The following USH2A variants were observed in gnomAD, a reference collection of about 807,000 sequenced individuals.
USH2A encodes the protein Usher syndrome 2A (autosomal recessive, mild).
USH2A carries 443 observed loss-of-function variants against 538.9 expected under a neutral mutation model. The ratio of observed to expected loss-of-function variants is 0.82; its 90% CI spans 0.76 to 0.89. The LOEUF (loss-of-function observed/expected upper bound fraction) is 0.89. Among genes scored for constraint, USH2A ranks in the 40% least tolerant of loss-of-function variants. The pLI is 0.00. For synonymous variants in USH2A, 2,413 were observed against 2,273.5 expected (o/e 1.06, Z -1.75); for missense variants, 6,633 against 6,324.8 (o/e 1.05, Z -1.65).
intron 43 of USH2A, among the ~76,000 whole-genome samples, chr1:215,877,470 C>T (rs1664799472): frequency 6.6e-6 from 1 of 152,080 alleles, no homozygotes; most frequent in Non-Finnish European, 1.5e-5. Context: ...CAAATTCTTC[C>T]ATAACGTTTT....
chr1:216,015,211 G>T (rs1358420810), intron 32 of USH2A, among the ~76,000 whole-genome samples: 1 of 152,152 alleles, frequency 6.6e-6, no homozygotes. Flanking sequence ...GAGAACCTCT[G>T]CTAGGTTATG....
At chr1:216,020,139 C>A (rs1305803061) in intron 32 of USH2A, among the ~76,000 whole-genome samples, 1 of 152,146 alleles carries the variant, frequency 6.6e-6, no homozygotes, top group East Asian at 1.9e-4. Flanking sequence ...ACTATGACAA[C>A]ACCTTTTTTA....
intron 31 of USH2A, among the ~76,000 whole-genome samples, chr1:216,048,012 C>T (rs1052631875): frequency 6.6e-6 from 1 of 152,130 alleles, no homozygotes; most frequent in African/African-American, 2.4e-5. Context: ...AGAAGTGAGA[C>T]TTAAGTTGGA....
intron 32 of USH2A, among the ~76,000 whole-genome samples, chr1:216,017,023 G>A (rs1219766821): frequency 6.6e-6 from 1 of 152,120 alleles, no homozygotes; most frequent in Non-Finnish European, 1.5e-5. Context: ...TTAGCTAGCT[G>A]CCTTCTACTC....
intron 64 of USH2A, among the ~76,000 whole-genome samples, chr1:215,659,351 CTT>C (rs1657371848): frequency 1.3e-5 from 2 of 152,158 alleles, no homozygotes; most frequent in East Asian, 3.9e-4. Context: ...TGTGGCTGAC[CTT>C]AGTGAGTAAG....
rs139004994 is a variant in USH2A at position 216,362,329 on chromosome 1, C to T, written c.784+2624G>A. On this transcript the variant is annotated intron_variant, in intron 4 of 71. Transcript: ENST00000307340. ...ATGAAATGCAAATGATCAAGACATA[C>T]GTAAAAAGCTACTCAAACTCATTAA... Among the ~76,000 whole-genome samples, 218 of 152,010 alleles carry T rather than the reference C, an allele frequency of 1.4e-3. 1 individual carries two copies. The highest frequency in any genetic ancestry group is 4.9e-3 in the African/African-American group (204 of 41,502).
Position 215,792,018 on chromosome 1 carries a change from C to T in USH2A, c.9959-1736G>A, listed in dbSNP as rs376138366. On this transcript the variant is annotated intron_variant, in intron 50 of 71. Transcript: ENST00000307340. ...TGGATTTTTTTACTGTTAATTTTTT[C>T]TCTGGCAGTTTTCTGAAGACAATTC... Among the ~76,000 whole-genome samples, 9 of 152,232 alleles carry T rather than the reference C, an allele frequency of 5.9e-5. No homozygotes were observed. In the South Asian group the frequency reaches 6.2e-4, roughly 11 times the overall value.
rs368686902 is a variant in USH2A at position 215,844,466 on chromosome 1, A to G, written c.9086T>C (p.Val3029Ala). 3.7e-6 allele frequency: 6 copies of G among 1,611,556 alleles called. No individual in the cohort carries two copies. The highest frequency in any genetic ancestry group is 5.1e-6 in the Non-Finnish European group (6 of 1,179,846). The change falls in exon 46 of 72, where the codon GTC becomes GCC. Residue 3029 changes from valine to alanine, a missense_variant. Val to Ala is a moderately conservative substitution (Grantham distance 64). Coordinates refer to ENST00000307340, the MANE Select transcript of USH2A (RefSeq NM_206933.4). ...EPQGMLPPEV[V>A]IINSTAVRVI... ...ACGTACAGCTGTACTGTTGATGATG[A>G]CAACCTCTGGAGGAAGCATGCCCTG...
intron 64 of USH2A, among the ~76,000 whole-genome samples, chr1:215,655,183 A>G (rs952343935): frequency 6.6e-6 from 1 of 152,202 alleles, no homozygotes; most frequent in African/African-American, 2.4e-5. Flanking sequence ...AAAAATACAA[A>G]GGCCTATTCT....
At chr1:215,639,499 C>A (rs75547520) in intron 68 of USH2A, among the ~76,000 whole-genome samples, 1 of 152,112 alleles carries the variant, frequency 6.6e-6, no homozygotes, top group Non-Finnish European at 1.5e-5. Flanking sequence ...GAACATCAGA[C>A]GAGTAAAGGG....
intron 50 of USH2A, among the ~76,000 whole-genome samples, chr1:215,792,287 T>C (rs776697804): frequency 2.0e-5 from 3 of 152,190 alleles, no homozygotes; most frequent in Non-Finnish European, 2.9e-5. Flanking sequence ...AAAAGATGCC[T>C]TCTTTCACAA....
At chr1:216,142,904 T>C (rs1159091932) in intron 21 of USH2A, among the ~76,000 whole-genome samples, 5 of 152,178 alleles carry the variant, frequency 3.3e-5, no homozygotes, top group Non-Finnish European at 5.9e-5. Context: ...TTTAAACCCA[T>C]TACTTCTTGA....
chr1:216,053,964 A>G (rs1375168655), intron 30 of USH2A, among the ~76,000 whole-genome samples: 1 of 152,172 alleles, frequency 6.6e-6, no homozygotes, highest in East Asian at 1.9e-4. Flanking sequence ...ATATGGCTCC[A>G]AACTCTGTGC....
At chr1:215,630,966 C>G (rs1205770078) in intron 70 of USH2A, among the ~76,000 whole-genome samples, 1 of 152,002 alleles carries the variant, frequency 6.6e-6, no homozygotes, top group Non-Finnish European at 1.5e-5. Flanking sequence ...AAAGGATCTT[C>G]AAACCAGTAA....
At chr1:216,135,164 T>TCACACA (rs1392409827) in intron 21 of USH2A, among the ~76,000 whole-genome samples, 4 of 62,556 alleles carry the variant, frequency 6.4e-5, no homozygotes, top group African/African-American at 3.4e-4. Flanking sequence ...TCTCTCTCTC[T>TCACACA]CTCACACACA....
intron 3 of USH2A, among the ~76,000 whole-genome samples, chr1:216,406,715 T>C (rs188456738): frequency 6.6e-6 from 1 of 152,162 alleles, no homozygotes; most frequent in East Asian, 1.9e-4. Flanking sequence ...TTCCCATAGA[T>C]TTCATCTCAT....
chr1:215,833,759 T>A (rs77762370), intron 47 of USH2A, among the ~76,000 whole-genome samples: 8 of 151,996 alleles, frequency 5.3e-5, no homozygotes, highest in African/African-American at 1.9e-4. Context: ...TGAAAACAAA[T>A]CATAAGGTAG....
chr1:216,137,007 T>G (rs1243447093), intron 21 of USH2A, among the ~76,000 whole-genome samples: 1 of 152,182 alleles, frequency 6.6e-6, no homozygotes, highest in Non-Finnish European at 1.5e-5. Flanking sequence ...TGATCATAAA[T>G]TTGTTTTGAT....
rs1659101542 is a variant in USH2A, at chr1:215,703,781, C to G, written c.12067-23405G>C. Among the ~76,000 whole-genome samples the G allele has an allele frequency of 2.0e-5, 3 of 152,264 alleles. No individual in the cohort carries two copies. The South Asian group carries it at 6.2e-4, about 32-fold the overall frequency. On this transcript the variant is annotated intron_variant, in intron 61 of 71. Transcript: ENST00000307340. ...GGGTGGGATCCACTGAGCAAGACCA[C>G]ACGGCTCCCTGGCTTCAGCCCCCTT...
Sources: allele counts gnomAD v4.1 joint callset (sites outside exome capture counted in the v4.1 genomes callset), GRCh38; gene constraint gnomAD v4.1.1; transcripts MANE v1.5; gene names NCBI Gene and HGNC (gene_info 2026-07-23, HGNC 2026-07-21).